The following ABTB1 variants were observed in gnomAD, a reference collection of about 807,000 sequenced individuals.
ABTB1 encodes ankyrin repeat and BTB/POZ domain-containing protein 1.
ABTB1 carries 45 observed loss-of-function variants against 57.1 expected under a neutral mutation model. That is an observed-to-expected ratio of 0.79 (90% CI 0.62 to 1.01). The LOEUF (loss-of-function observed/expected upper bound fraction) is 1.01, where lower values mean the gene tolerates loss of function less well. ABTB1 is among the 50% of genes least tolerant of loss of function. The pLI is 0.00. For synonymous variants in ABTB1, 302 were observed against 275.4 expected, an observed-to-expected ratio of 1.10 and a Z score of -0.95; for missense variants, 630 against 666.3, an observed-to-expected ratio of 0.95 and a Z score of 0.60.
rs2074878755 is a variant in ABTB1, at chr3:127,672,965, T to G, written c.-61T>G. The G allele has an allele frequency of 2.7e-6, 4 of 1,504,618 alleles. No individual in the cohort carries two copies. Among genetic ancestry groups the G allele is most frequent in the Admixed American group, 2.1e-5 (1 of 48,456 alleles). 93.2% of individuals were successfully genotyped at this position (1,504,618 alleles called of 1,614,324 possible). A position where few individuals can be genotyped will look rare whatever the true frequency, so the allele number is the denominator to read the frequency against. On this transcript the variant is annotated 5_prime_UTR_variant, in exon 1 of 12. Coordinates refer to ENST00000232744, the MANE Select transcript of ABTB1 (RefSeq NM_172027.3). The stretch of plus-strand genomic sequence containing the variant: ...CGGGGCGGGGCTGAGCGTGTTTACA[T>G]CCGCCGGGTGCGCGGCTTCGCCGCC...
At chr3:127,675,861 C>T (rs144412228) in intron 3 of ABTB1, 109 bp from the exon 4 acceptor site, 130 of 1,437,026 alleles carry the variant, frequency 9.0e-5, no homozygotes, top group Non-Finnish European at 1.1e-4. Flanking sequence ...GGGAAGGCAT[C>T]GCCAGAGATT....
Position 127,676,488 on chromosome 3 carries a change from G to T in ABTB1, c.481-48G>T, listed in dbSNP as rs754437449. 6.2e-7 allele frequency: 1 copy of T among 1,614,178 alleles called. No homozygotes were observed. Among genetic ancestry groups the T allele is most frequent in the Non-Finnish European group, 8.5e-7 (1 of 1,180,014 alleles). ...AACTGTCCAGGAACAGCAGGAGGTTGTGCTGGGTGGCTGCCTCTGACATTA... is the reference window on the plus strand; with the variant it reads ...AACTGTCCAGGAACAGCAGGAGGTTTTGCTGGGTGGCTGCCTCTGACATTA... On this transcript the variant is annotated intron_variant, in intron 5 of 11. Transcript: ENST00000232744. The surrounding 1 kb of genome is among the most constrained non-coding windows in gnomAD (Gnocchi z 5.4).
At position 127,675,873 on chromosome 3, in the gene ABTB1, G is replaced by A. The variant is rs565189669; in HGVS notation, c.176-97G>A. 182 of 1,484,528 alleles carry A rather than the reference G, an allele frequency of 1.2e-4. 2 individuals carry two copies. The East Asian group carries it at 3.3e-3, about 27-fold the overall frequency. 92.0% of individuals were successfully genotyped at this position (1,484,528 alleles called of 1,614,324 possible). On this transcript the variant is annotated intron_variant, in intron 3 of 11. Transcript: ENST00000232744. ...TTTGGGAAGGCATCGCCAGAGATTC[G>A]GAGCCCCATGTGTGGGAAGGTGGGG...
Position 127,677,571 on chromosome 3 carries a change from T to C in ABTB1, c.861+8T>C, listed in dbSNP as rs814132. The C allele has an allele frequency of 7.7e-4, 1,248 of 1,613,894 alleles. 12 individuals are homozygous for C. In the African/African-American group the frequency reaches 0.015, roughly 19 times the overall value. On this transcript the variant is annotated splice_region_variant and intron_variant, in intron 9 of 11. Transcript: ENST00000232744. ...AGCTTCCTCTGCCACAAGGTGCCTG[T>C]GCCCTCCTGTTGCCCCTGGCCCCAG...
chr3:127,673,722 C>T (rs1359438860), intron 1 of ABTB1: 1 of 156,360 alleles, frequency 6.4e-6, no homozygotes, highest in Non-Finnish European at 1.4e-5. Context: ...TCCACCTCCC[C>T]TGGGCTGGCG....
In ABTB1 at chr3:127,677,488, C is replaced by A. The variant is rs1469860538; in HGVS notation, c.786C>A (p.Phe262Leu). Reference protein sequence around the residue: ...ELRGDLWELPFPCPDGFNSCP... With the variant: ...ELRGDLWELPLPCPDGFNSCP... ...AGGGTGATCTTTGGGAGCTGCCCTT[C>A]CCTTGTCCTGACGGCTTCAACAGCT... is the stretch of plus-strand genomic sequence containing the variant. The change falls in exon 9 of 12, where the codon TTC becomes TTA. Residue 262 changes from phenylalanine to leucine, a missense_variant. Coordinates refer to ENST00000232744, the MANE Select transcript of ABTB1 (RefSeq NM_172027.3). 1 of 1,614,162 alleles carries A rather than the reference C, an allele frequency of 6.2e-7. No homozygotes were observed. Among genetic ancestry groups the A allele is most frequent in the Non-Finnish European group, 8.5e-7 (1 of 1,180,028 alleles).
intron 8 of ABTB1, 46 bp from the exon 9 acceptor site, chr3:127,677,418 CT>C (rs2075011545): frequency 4.4e-6 from 7 of 1,606,242 alleles, no homozygotes; most frequent in Non-Finnish European, 6.0e-6. Context: ...TAGTCGTTCA[CT>C]TCTGTGAACA....
At chr3:127,678,098 C>T in intron 10 of ABTB1, 1 of 373,910 alleles carries the variant, frequency 2.7e-6, no homozygotes, top group Non-Finnish European at 5.0e-6. Flanking sequence ...TTGGGATCCT[C>T]AGCTTCTCTA....
intron 10 of ABTB1, chr3:127,679,605 A>C (rs1177920352): frequency 2.1e-6 from 1 of 475,098 alleles, no homozygotes; most frequent in Non-Finnish European, 4.2e-6. Flanking sequence ...TCTATACCTC[A>C]TGGACTGGGA....
At position 127,673,094 on chromosome 3, in the gene ABTB1, C is replaced by T; in HGVS notation, c.56+13C>T. 6.4e-7 allele frequency: 1 copy of T among 1,553,596 alleles called. No individual in the cohort carries two copies. Among genetic ancestry groups the T allele is most frequent in the Non-Finnish European group, 8.7e-7 (1 of 1,149,904 alleles). On this transcript the variant is annotated intron_variant, in intron 1 of 11. Transcript: ENST00000232744. ...TGGGCCGAGTGCGGTGAGGACCTCG[C>T]AGTCCCGGGGAGGGTGCGGGAGGTG...
chr3:127,679,501 G>A (rs1321279832), intron 10 of ABTB1: 3 of 456,778 alleles, frequency 6.6e-6, no homozygotes, highest in African/African-American at 6.0e-5. Context: ...GGAGCTGGTA[G>A]ATAGTCTCCC....
rs1433653012 is a variant in ABTB1 at position 127,677,668 on chromosome 3, T to A, written c.862-8T>A. On this transcript the variant is annotated splice_region_variant and splice_polypyrimidine_tract_variant and intron_variant, in intron 9 of 11. Coordinates refer to ENST00000232744, the MANE Select transcript of ABTB1 (RefSeq NM_172027.3). ...GCCCTCACACTTCCTGAGCCCGGCC[T>A]CCCCCAGGCCTTTTTCTGTGGCCGC... The A allele has an allele frequency of 1.2e-6, 2 of 1,610,592 alleles. No individual in the cohort carries two copies. The highest frequency in any genetic ancestry group is 2.7e-5 in the African/African-American group (2 of 74,822).
chr3:127,674,053 G>C (rs2074916890), intron 1 of ABTB1: 1 of 357,618 alleles, frequency 2.8e-6, no homozygotes, highest in Non-Finnish European at 5.3e-6. Context: ...TCCTGCAGTA[G>C]AGAGCTCTGG....
chr3:127,674,239 C>T, intron 1 of ABTB1, 152 bp from the exon 2 acceptor site: 1 of 959,250 alleles, frequency 1.0e-6, no homozygotes, highest in Non-Finnish European at 1.6e-6. Context: ...CCTTGAGTGC[C>T]TCTCCTGCTC....
chr3:127,675,363 G>A (rs1042629835), intron 3 of ABTB1: 3 of 153,792 alleles, frequency 2.0e-5, no homozygotes, highest in Non-Finnish European at 2.9e-5. Flanking sequence ...AACCTCCCAG[G>A]CTCAAGTGAT....
chr3:127,679,898 A>G, intron 10 of ABTB1, 87 bp from the exon 11 acceptor site: 1 of 1,380,658 alleles, frequency 7.2e-7, no homozygotes, highest in Non-Finnish European at 1.0e-6. Context: ...AGTGCCCCCC[A>G]ACCACCACAG....
rs1347315080 is a variant in ABTB1 at position 127,677,694 on chromosome 3, A to G, written c.880A>G (p.Ser294Gly). 3 of 1,610,018 alleles carry G rather than the reference A, an allele frequency of 1.9e-6. No homozygotes were observed. The highest frequency in any genetic ancestry group is 2.7e-5 in the African/African-American group (2 of 74,856). Reference protein sequence around the residue: ...LCHKAFFCGRSDYFRALLDDH... With the variant: ...LCHKAFFCGRGDYFRALLDDH... The stretch of plus-strand genomic sequence containing the variant: ...CCCCCAGGCCTTTTTCTGTGGCCGC[A>G]GTGACTACTTCCGAGCCCTGCTGGA... Residue 294 changes from serine to glycine, a missense_variant, in exon 10 of 12, where the codon AGT becomes GGT. Coordinates refer to ENST00000232744, the MANE Select transcript of ABTB1 (RefSeq NM_172027.3).
At chr3:127,675,857 G>C (rs1165781376) in intron 3 of ABTB1, 113 bp from the exon 4 acceptor site, 1 of 1,411,814 alleles carries the variant, frequency 7.1e-7, no homozygotes, top group Non-Finnish European at 9.6e-7. Context: ...ATTTGGGAAG[G>C]CATCGCCAGA....
chr3:127,680,480 C>G lies in ABTB1; in HGVS notation c.*5C>G. 1.3e-6 allele frequency: 2 copies of G among 1,598,870 alleles called. No individual in the cohort carries two copies. The highest frequency in any genetic ancestry group is 1.7e-6 in the Non-Finnish European group (2 of 1,177,106). ...TCCATCGGTCTGGACTGTTGAGCCC[C>G]TGGCTGGGCAGCCCCAGGGGCCAGG... is the stretch of plus-strand genomic sequence containing the variant. On this transcript the variant is annotated 3_prime_UTR_variant, in exon 12 of 12. Transcript: ENST00000232744.
Sources: allele counts gnomAD v4.1 joint callset, GRCh38; gene constraint gnomAD v4.1.1; non-coding constraint Gnocchi (gnomAD v3.1); transcripts MANE v1.5; gene names NCBI Gene and HGNC (gene_info 2026-07-23, HGNC 2026-07-21).